Variants in ATP6V1E1 observed in about 807,000 individuals in gnomAD.
The protein encoded by ATP6V1E1 is ATPase H+ transporting V1 subunit E1.
ATP6V1E1 carries 21 observed loss-of-function variants against 35.2 expected under a neutral mutation model. The observed-to-expected ratio is 0.60, with a 90% CI of 0.42 to 0.86. The LOEUF (loss-of-function observed/expected upper bound fraction) is 0.86. Ranked by LOEUF, ATP6V1E1 falls within the 40% of genes least tolerant of loss-of-function variation. The pLI, the probability that ATP6V1E1 is intolerant of heterozygous loss-of-function variation, is 0.00. For synonymous variants in ATP6V1E1, 83 were observed against 87.8 expected (o/e 0.95, Z 0.30); for missense variants, 183 against 272.6 (o/e 0.67, Z 2.32).
intron 6 of ATP6V1E1, among the ~76,000 whole-genome samples, chr22:17,598,731 A>G (rs1037761433): frequency 5.9e-5 from 9 of 152,222 alleles, no homozygotes; most frequent in Admixed American, 5.2e-4. Context: ...TGCCATACCC[A>G]TAAGGATGGT....
At chr22:17,612,771 A>G (rs745492135) in intron 4 of ATP6V1E1, 41 bp downstream of exon 4, 2 of 1,436,390 alleles carry the variant, frequency 1.4e-6, no homozygotes, top group African/African-American at 2.9e-5. Flanking sequence ...AAATGAATAA[A>G]CATGTAATAA....
At chr22:17,628,575 C>T (rs756129294) in intron 1 of ATP6V1E1, 28 bp downstream of exon 1, 1 of 1,613,998 alleles carries the variant, frequency 6.2e-7, no homozygotes, top group Non-Finnish European at 8.5e-7. Context: ...GCCGCCGCGG[C>T]TTCGTAAGAC....
chr22:17,599,577 C>CAAAAAA (rs71284922), intron 6 of ATP6V1E1, among the ~76,000 whole-genome samples: 8,330 of 64,956 alleles, frequency 0.13, 540 homozygotes, highest in Non-Finnish European at 0.18. Context: ...AACTCCATCT[C>CAAAAAA]AAAAAAAAAA....
At chr22:17,600,409 C>T (rs2057756609) in intron 5 of ATP6V1E1, among the ~76,000 whole-genome samples, 1 of 152,058 alleles carries the variant, frequency 6.6e-6, no homozygotes, top group Non-Finnish European at 1.5e-5. Context: ...TGCACTCCTG[C>T]CTGGCTGACA....
chr22:17,604,607 C>T (rs2057776339), intron 4 of ATP6V1E1, among the ~76,000 whole-genome samples: 2 of 151,352 alleles, frequency 1.3e-5, no homozygotes, highest in Non-Finnish European at 2.9e-5. Context: ...GCAACCTCCG[C>T]CCCCTGGGTT....
chr22:17,598,003 C>T (rs2057741230), intron 7 of ATP6V1E1, 191 bp downstream of exon 7: 4 of 560,484 alleles, frequency 7.1e-6, no homozygotes, highest in Middle Eastern at 4.9e-4. Context: ...GTATATTTAG[C>T]CAGCCAACAA....
At chr22:17,625,240 C>T (rs1000582171) in intron 1 of ATP6V1E1, among the ~76,000 whole-genome samples, 3 of 152,106 alleles carry the variant, frequency 2.0e-5, no homozygotes, top group African/African-American at 7.2e-5. Flanking sequence ...TGAAAAGACA[C>T]TTTCAAGGAA....
chr22:17,601,980 C>T (rs1259753383), intron 4 of ATP6V1E1, among the ~76,000 whole-genome samples: 1 of 152,192 alleles, frequency 6.6e-6, no homozygotes, highest in Non-Finnish European at 1.5e-5. Context: ...TCATGGCTCT[C>T]TACAGCCTTG....
Position 17,610,524 on chromosome 22 carries a change from C to A in ATP6V1E1, c.276+2288G>T, listed in dbSNP as rs191251289. ...TCAAAAAGGTGGCATAAAAAACAAA[C>A]CAAATAAAAAACCTAATTATAAAGC... On this transcript the variant is annotated intron_variant, in intron 4 of 8. Coordinates refer to ENST00000253413, the MANE Select transcript of ATP6V1E1 (RefSeq NM_001696.4). 1.7e-3 allele frequency among the ~76,000 whole-genome samples: 264 copies of A among 152,182 alleles called. 2 individuals carry two copies. The highest frequency in any genetic ancestry group is 2.6e-4 in the Non-Finnish European group (18 of 68,008).
chr22:17,605,582 AT>A (rs1701024978), intron 4 of ATP6V1E1, among the ~76,000 whole-genome samples: 1 of 152,090 alleles, frequency 6.6e-6, no homozygotes, highest in Admixed American at 6.6e-5. Context: ...TGGGGAAATG[AT>A]AATAAAGAAC....
At position 17,613,189 on chromosome 22, in the gene ATP6V1E1, ACT is replaced by A. The variant is rs771593342; in HGVS notation, c.209+20_209+21del. ...ACTTCAGAAAACTTCTTAGCTTAAT[ACT>A]GCAACCAGGATCTACTTACATTTTC... is the stretch of plus-strand genomic sequence containing the variant. On this transcript the variant is annotated intron_variant, in intron 3 of 8. Transcript: ENST00000253413. The A allele has an allele frequency of 8.1e-6, 13 of 1,599,656 alleles. No individual in the cohort carries two copies. In the South Asian group the frequency reaches 1.3e-4, roughly 16 times the overall value.
In ATP6V1E1 at chr22:17,619,541, A is replaced by T; in HGVS notation, c.34-15T>A. On this transcript the variant is annotated splice_polypyrimidine_tract_variant and intron_variant, in intron 1 of 8. Coordinates refer to ENST00000253413, the MANE Select transcript of ATP6V1E1 (RefSeq NM_001696.4). ...ATATGCTTTATCTATAAGGAAAAAA[A>T]GTTTTATTTTTTAGTTCAAAAATAT... 1.3e-6 allele frequency: 2 copies of T among 1,559,250 alleles called. No individual in the cohort carries two copies. Among genetic ancestry groups the T allele is most frequent in the Non-Finnish European group, 1.7e-6 (2 of 1,154,610 alleles).
chr22:17,627,272 C>T (rs1164678966), intron 1 of ATP6V1E1, among the ~76,000 whole-genome samples: 6 of 151,762 alleles, frequency 4.0e-5, no homozygotes, highest in African/African-American at 7.3e-5. Flanking sequence ...GGACTACAGG[C>T]GCCCGCCACC....
chr22:17,605,730 C>T (rs1485910852), intron 4 of ATP6V1E1, among the ~76,000 whole-genome samples: 1 of 114,930 alleles, frequency 8.7e-6, no homozygotes, highest in East Asian at 2.8e-4. Context: ...CAGGGCATTG[C>T]TCTGTCATCC....
At chr22:17,625,636 A>G (rs78430169) in intron 1 of ATP6V1E1, among the ~76,000 whole-genome samples, 3,277 of 152,182 alleles carry the variant, frequency 0.022, 110 homozygotes, top group African/African-American at 0.072. Context: ...TAGTAAGAGA[A>G]TTTTCCTAGC....
intron 7 of ATP6V1E1, among the ~76,000 whole-genome samples, chr22:17,597,086 A>G (rs1271028117): frequency 6.6e-6 from 1 of 151,700 alleles, no homozygotes; most frequent in African/African-American, 2.4e-5. Context: ...CTAAAAATAC[A>G]AAAAAATTAG....
At chr22:17,625,724 T>G (rs2146320172) in intron 1 of ATP6V1E1, among the ~76,000 whole-genome samples, 1 of 152,312 alleles carries the variant, frequency 6.6e-6, no homozygotes, top group Admixed American at 6.5e-5. Context: ...CTTCCTTCTC[T>G]GAAAAATCTA....
intron 6 of ATP6V1E1, among the ~76,000 whole-genome samples, chr22:17,598,721 T>C (rs2057746079): frequency 1.3e-5 from 2 of 152,286 alleles, no homozygotes; most frequent in South Asian, 4.1e-4. Context: ...AGCAGTGCCA[T>C]GCCATACCCA....
At chr22:17,608,093 GGA>G (rs2057795266) in intron 4 of ATP6V1E1, among the ~76,000 whole-genome samples, 1 of 152,148 alleles carries the variant, frequency 6.6e-6, no homozygotes, top group Admixed American at 6.6e-5. Context: ...CAGCTGTAGT[GGA>G]GATGTATTAT....
Sources: gnomAD v4.1 joint callset for allele counts (sites outside exome capture counted in the v4.1 genomes callset) on GRCh38, gnomAD v4.1.1 for gene constraint, MANE v1.5 for transcripts, NCBI Gene and HGNC (gene_info 2026-07-23, HGNC 2026-07-21) for gene names.